Variants in LRRIQ1 observed in about 807,000 individuals in gnomAD.
The protein encoded by LRRIQ1 is leucine-rich repeat- and IQ domain-containing protein 1.
LRRIQ1 carries 210 observed loss-of-function variants against 211.9 expected under a neutral mutation model. That is an observed-to-expected ratio of 0.99 (90% CI 0.89 to 1.11). The LOEUF is 1.11. LRRIQ1 is among the 50% of genes most tolerant of loss of function. LRRIQ1 has a pLI of 0.00. For missense variants in LRRIQ1, 2,136 were observed against 1,939.5 expected, an observed-to-expected ratio of 1.10 and a Z score of -1.90; for synonymous variants, 699 against 650.1, an observed-to-expected ratio of 1.08 and a Z score of -1.14.
At chr12:85,118,074 A>G (rs1444186094) in intron 15 of LRRIQ1, among the ~76,000 whole-genome samples, 1 of 152,118 alleles carries the variant, frequency 6.6e-6, no homozygotes, top group Non-Finnish European at 1.5e-5. Flanking sequence ...CCTGGTGATT[A>G]TCTCTGATTA....
At chr12:85,202,170 T>C (rs953823392) in intron 24 of LRRIQ1, among the ~76,000 whole-genome samples, 2 of 152,118 alleles carry the variant, frequency 1.3e-5, no homozygotes, top group Admixed American at 1.3e-4. Context: ...GTTGTTGTTG[T>C]TGTTGTTTCA....
chr12:85,189,692 C>T (rs974507031), intron 24 of LRRIQ1, among the ~76,000 whole-genome samples: 3 of 149,878 alleles, frequency 2.0e-5, no homozygotes, highest in Non-Finnish European at 3.0e-5. Context: ...TTCTTGACTG[C>T]AAAAACCTAC....
At chr12:85,155,441 C>G (rs761575505) in intron 23 of LRRIQ1, among the ~76,000 whole-genome samples, 2 of 151,388 alleles carry the variant, frequency 1.3e-5, no homozygotes, top group Non-Finnish European at 3.0e-5. Flanking sequence ...TTTCAGTTCT[C>G]TAGATATAGA....
chr12:85,272,531 A>C, the LRRIQ1 span, among the ~76,000 whole-genome samples: 1 of 152,216 alleles, frequency 6.6e-6, no homozygotes, highest in African/African-American at 2.4e-5. Context: ...TTAATATTGC[A>C]AAAAGTGTTT....
At chr12:85,156,940 C>T (rs1023868263) in intron 23 of LRRIQ1, among the ~76,000 whole-genome samples, 1 of 151,822 alleles carries the variant, frequency 6.6e-6, no homozygotes, top group Non-Finnish European at 1.5e-5. Context: ...AGTATGGTAG[C>T]TTTAATTCAA....
intron 24 of LRRIQ1, among the ~76,000 whole-genome samples, chr12:85,209,778 A>G (rs571777218): frequency 2.6e-5 from 4 of 152,252 alleles, no homozygotes; most frequent in South Asian, 4.1e-4. Context: ...GGGATTTTAT[A>G]TATCTGATTG....
rs148952630 is a variant in LRRIQ1, at chr12:85,210,573, G to A, written c.4823-18944G>A. 6.2e-3 allele frequency among the ~76,000 whole-genome samples: 942 copies of A among 152,244 alleles called. 7 individuals carry two copies. Among genetic ancestry groups the A allele is most frequent in the African/African-American group, 0.022 (908 of 41,532 alleles). On this transcript the variant is annotated intron_variant, in intron 24 of 26. Coordinates refer to ENST00000393217, the MANE Select transcript of LRRIQ1 (RefSeq NM_001079910.2). ...TACAAATTGAACACTCAAGATCACA[G>A]ATAGTAAATAAGTTGGTTAGATTAA... is the stretch of plus-strand genomic sequence containing the variant.
chr12:85,215,983 G>A (rs1425439223), intron 24 of LRRIQ1, among the ~76,000 whole-genome samples: 1 of 152,128 alleles, frequency 6.6e-6, no homozygotes, highest in Non-Finnish European at 1.5e-5. Flanking sequence ...AAGGTTATAA[G>A]CTTAACTATA....
intron 24 of LRRIQ1, among the ~76,000 whole-genome samples, chr12:85,215,330 C>T (rs1894026921): frequency 6.6e-6 from 1 of 152,170 alleles, no homozygotes; most frequent in South Asian, 2.1e-4. Flanking sequence ...AAGCCTTGCA[C>T]AAGGATAGTC....
intron 21 of LRRIQ1, 69 bp downstream of exon 21, chr12:85,153,214 A>G: frequency 7.4e-7 from 1 of 1,343,410 alleles, no homozygotes; most frequent in Non-Finnish European, 1.0e-6. Context: ...ATACAAAAGT[A>G]GTACAATTAT....
intron 6 of LRRIQ1, among the ~76,000 whole-genome samples, chr12:85,051,143 T>G (rs529996954): frequency 3.2e-4 from 49 of 152,154 alleles, no homozygotes; most frequent in Admixed American, 5.9e-4. Flanking sequence ...CCACAAGATC[T>G]GACTGTTAAA....
intron 11 of LRRIQ1, among the ~76,000 whole-genome samples, chr12:85,079,871 A>G (rs1330569563): frequency 2.0e-5 from 3 of 152,014 alleles, no homozygotes; most frequent in Non-Finnish European, 4.4e-5. Flanking sequence ...TTAGGTTACT[A>G]TAGAAAAGAT....
intron 24 of LRRIQ1, among the ~76,000 whole-genome samples, chr12:85,201,029 C>T (rs1893264532): frequency 6.6e-6 from 1 of 151,724 alleles, no homozygotes; most frequent in African/African-American, 2.4e-5. Flanking sequence ...CAGGGTTTCA[C>T]CATGTTGGCC....
chr12:85,062,629 C>T (rs1881971265), intron 8 of LRRIQ1, among the ~76,000 whole-genome samples: 1 of 149,316 alleles, frequency 6.7e-6, no homozygotes. Context: ...GATTCCATGT[C>T]TTTGGTATTG....
At chr12:85,192,394 GTATATATATTTATATAATTATATACATT>G (rs1398926837) in intron 24 of LRRIQ1, among the ~76,000 whole-genome samples, 1 of 130,966 alleles carries the variant, frequency 7.6e-6, no homozygotes, top group Admixed American at 8.8e-5. Context: ...TATATATAGT[GTATATATATTTATATAATTATATACATT>G]TATATATATT....
intron 24 of LRRIQ1, among the ~76,000 whole-genome samples, chr12:85,179,268 C>G (rs917017912): frequency 4.6e-5 from 7 of 151,938 alleles, no homozygotes; most frequent in African/African-American, 7.2e-5. Context: ...TAAATACAAG[C>G]ACTACCTTCA....
At chr12:85,086,485 T>C (rs1406229110) in intron 11 of LRRIQ1, among the ~76,000 whole-genome samples, 1 of 152,146 alleles carries the variant, frequency 6.6e-6, no homozygotes, top group Non-Finnish European at 1.5e-5. Flanking sequence ...TCTGCCATGA[T>C]TGTAAACTTC....
intron 6 of LRRIQ1, among the ~76,000 whole-genome samples, chr12:85,050,516 C>T (rs1031190): frequency 0.6 from 90,703 of 151,988 alleles, 29,350 homozygotes; most frequent in African/African-American, 0.86. Context: ...ATAAGCCACA[C>T]TATTATCATT....
chr12:85,053,833 G>C (rs978281680), intron 7 of LRRIQ1, among the ~76,000 whole-genome samples: 6 of 152,144 alleles, frequency 3.9e-5, no homozygotes, highest in African/African-American at 1.4e-4. Flanking sequence ...TCAGCCTCCC[G>C]AGTAGCTGGG....
Sources: allele counts gnomAD v4.1 joint callset (sites outside exome capture counted in the v4.1 genomes callset), GRCh38; gene constraint gnomAD v4.1.1; transcripts MANE v1.5; gene names NCBI Gene and HGNC (gene_info 2026-07-23, HGNC 2026-07-21).